The following TTC6 variants were observed in gnomAD, a reference collection of about 807,000 sequenced individuals.
TTC6 encodes the protein tetratricopeptide repeat domain 6.
A neutral mutation model predicts 210.4 loss-of-function variants in TTC6; 172 were observed. The observed-to-expected ratio is 0.82, with a 90% CI of 0.72 to 0.93. TTC6 has a LOEUF of 0.93. Ranked by LOEUF, TTC6 falls within the 40% of genes least tolerant of loss-of-function variation. The pLI, the probability that TTC6 is intolerant of heterozygous loss-of-function variation, is 0.00. For synonymous variants in TTC6, 804 were observed against 819.6 expected (o/e 0.98, Z 0.32); for missense variants, 2,414 against 2,318.1 (o/e 1.04, Z -0.85).
intron 2 of TTC6, among the ~76,000 whole-genome samples, chr14:37,609,365 G>C (rs950920816): frequency 6.6e-6 from 1 of 152,118 alleles, no homozygotes; most frequent in East Asian, 1.9e-4. Flanking sequence ...GTAGTGAGCC[G>C]TGTTTGCCCC....
At chr14:37,603,705 C>T (rs1462348196) in intron 1 of TTC6, among the ~76,000 whole-genome samples, 2 of 152,230 alleles carry the variant, frequency 1.3e-5, no homozygotes, top group Middle Eastern at 3.2e-3. Flanking sequence ...ACTCTACACA[C>T]TCCTCTCCCT....
intron 2 of TTC6, among the ~76,000 whole-genome samples, chr14:37,614,460 C>T (rs539498473): frequency 8.5e-5 from 13 of 152,232 alleles, no homozygotes; most frequent in Admixed American, 2.0e-4. Flanking sequence ...TCATAATTTT[C>T]GTACATTATT....
chr14:37,820,956 T>TC lies in TTC6; in HGVS notation c.4764-2790dup, dbSNP rs1566973783. 3.2e-4 allele frequency among the ~76,000 whole-genome samples: 47 copies of TC among 145,030 alleles called. 1 individual carries two copies. Among genetic ancestry groups the TC allele is most frequent in the African/African-American group, 1.1e-3 (43 of 39,278 alleles). ...TCCTCCTCCTTCTTCTCCTCCTCCT[T>TC]CTCCTCCTCCTCCTCTTCTTCCTCT... On this transcript the variant is annotated intron_variant, in intron 26 of 30. Transcript: ENST00000553443.
At chr14:37,673,771 T>C (rs1311437683) in intron 1 of TTC6, among the ~76,000 whole-genome samples, 1 of 152,166 alleles carries the variant, frequency 6.6e-6, no homozygotes, top group Non-Finnish European at 1.5e-5. Context: ...TTACTGATCC[T>C]TCAAGGTCCT....
At chr14:37,689,705 T>A (rs965094806) in intron 3 of TTC6, among the ~76,000 whole-genome samples, 1 of 152,004 alleles carries the variant, frequency 6.6e-6, no homozygotes, top group African/African-American at 2.4e-5. Flanking sequence ...AAACCTAGAA[T>A]AATGTATCTG....
chr14:37,820,908 C>CCTCCTCCTT (rs1230852017), intron 26 of TTC6, among the ~76,000 whole-genome samples: 16 of 149,246 alleles, frequency 1.1e-4, no homozygotes, highest in Admixed American at 7.3e-4. Context: ...TCCTCCTTCT[C>CCTCCTCCTT]CTCCTCCTTC....
intron 14 of TTC6, among the ~76,000 whole-genome samples, chr14:37,783,084 A>G (rs1274822280): frequency 1.3e-5 from 2 of 151,956 alleles, no homozygotes; most frequent in Non-Finnish European, 2.9e-5. Flanking sequence ...TTGGTCTAAA[A>G]TTCTCTTTTT....
chr14:37,701,286 G>A, intron 4 of TTC6, 46 bp from the exon 7 acceptor site: 1 of 1,298,168 alleles, frequency 7.7e-7, no homozygotes. Context: ...TATATCTAAA[G>A]TCCACAAAAT....
intron 14 of TTC6, among the ~76,000 whole-genome samples, chr14:37,781,826 G>A (rs1056234927): frequency 4.6e-5 from 7 of 152,290 alleles, no homozygotes; most frequent in African/African-American, 1.7e-4. Flanking sequence ...AAGGGATCCA[G>A]TTTCAGCTTT....
intron 3 of TTC6, among the ~76,000 whole-genome samples, chr14:37,694,671 C>A (rs1268209891): frequency 1.3e-5 from 2 of 152,122 alleles, no homozygotes; most frequent in South Asian, 2.1e-4. Context: ...GATTTGAAAG[C>A]AACCTAAGTG....
chr14:37,608,713 C>A (rs1187924940), intron 2 of TTC6, among the ~76,000 whole-genome samples: 1 of 152,130 alleles, frequency 6.6e-6, no homozygotes, highest in African/African-American at 2.4e-5. Context: ...AGTATATAAA[C>A]CTTTAGGTGG....
chr14:37,776,920 G>A (rs2096039548), intron 14 of TTC6, among the ~76,000 whole-genome samples: 1 of 152,066 alleles, frequency 6.6e-6, no homozygotes, highest in South Asian at 2.1e-4. Flanking sequence ...CTGAATATGG[G>A]CCCCCAATCT....
intron 26 of TTC6, among the ~76,000 whole-genome samples, chr14:37,820,945 CTCCTCCTCCTT>C (rs2096154686): frequency 2.8e-5 from 4 of 142,580 alleles, no homozygotes; most frequent in African/African-American, 1.2e-4. Flanking sequence ...CCTCCTTCTT[CTCCTCCTCCTT>C]CTCCTCCTCC....
At chr14:37,814,111 C>T (rs2096136003) in intron 25 of TTC6, among the ~76,000 whole-genome samples, 1 of 152,156 alleles carries the variant, frequency 6.6e-6, no homozygotes, top group Non-Finnish European at 1.5e-5. Flanking sequence ...GATGGCTTCC[C>T]ATCACACTTA....
intron 14 of TTC6, among the ~76,000 whole-genome samples, chr14:37,758,969 T>G (rs2095975810): frequency 6.6e-6 from 1 of 152,092 alleles, no homozygotes; most frequent in Non-Finnish European, 1.5e-5. Context: ...GGATATGAAA[T>G]TCTGGGTTGC....
chr14:37,759,572 C>T (rs537049570), intron 14 of TTC6, among the ~76,000 whole-genome samples: 18 of 152,234 alleles, frequency 1.2e-4, no homozygotes, highest in African/African-American at 2.9e-4. Flanking sequence ...GCGGTTCTCC[C>T]GGATAACATC....
chr14:37,765,863 A>G (rs140816636), intron 14 of TTC6, among the ~76,000 whole-genome samples: 6 of 151,930 alleles, frequency 3.9e-5, no homozygotes, highest in African/African-American at 1.2e-4. Context: ...TATGTTATCT[A>G]CTGCCTTCTG....
chr14:37,686,069 A>C (rs1487617406), intron 3 of TTC6, among the ~76,000 whole-genome samples: 1 of 152,092 alleles, frequency 6.6e-6, no homozygotes, highest in Non-Finnish European at 1.5e-5. Flanking sequence ...AAAATGTTAG[A>C]CCTGGTGTTC....
intron 1 of TTC6, among the ~76,000 whole-genome samples, chr14:37,637,584 A>G (rs993235258): frequency 2.0e-5 from 3 of 152,148 alleles, no homozygotes; most frequent in African/African-American, 4.8e-5. Flanking sequence ...ACAGTGAGCT[A>G]TGATCGTGCC....
Sources: gnomAD v4.1 joint callset for allele counts (sites outside exome capture counted in the v4.1 genomes callset) on GRCh38, gnomAD v4.1.1 for gene constraint, MANE v1.5 for transcripts, NCBI Gene and HGNC (gene_info 2026-07-23, HGNC 2026-07-21) for gene names.